RAB11FIP4: variants seen among roughly 807,000 people sequenced by gnomAD.
RAB11FIP4 encodes the protein RAB11 family interacting protein 4, also known as rab11 family-interacting protein 4.
A neutral mutation model predicts 74.3 loss-of-function variants in RAB11FIP4; 23 were observed. The ratio of observed to expected loss-of-function variants is 0.31; its 90% CI spans 0.22 to 0.44. The LOEUF is 0.44. RAB11FIP4 is among the 20% of genes least tolerant of loss of function. The pLI is 1.00. For missense variants in RAB11FIP4, 630 were observed against 863.9 expected (o/e 0.73, Z 3.39); for synonymous variants, 360 against 359.9 (o/e 1.00, Z 0.00).
chr17:31,449,928 T>C (rs12945387), intron 3 of RAB11FIP4, among the ~76,000 whole-genome samples: 16,872 of 152,232 alleles, frequency 0.11, 1,009 homozygotes, highest in African/African-American at 0.14. Context: ...CATTTTTACA[T>C]AGTGATGGTG....
chr17:31,475,714 C>A (rs1390447559), intron 3 of RAB11FIP4, among the ~76,000 whole-genome samples: 1 of 152,006 alleles, frequency 6.6e-6, no homozygotes, highest in Non-Finnish European at 1.5e-5. Flanking sequence ...AGGCGACAAG[C>A]GGCCTTCTTG....
intron 3 of RAB11FIP4, among the ~76,000 whole-genome samples, chr17:31,497,153 CA>C (rs2072131879): frequency 6.6e-6 from 1 of 152,156 alleles, no homozygotes; most frequent in Non-Finnish European, 1.5e-5. Context: ...CACCTGAGGT[CA>C]AGAGTTCGAG....
At chr17:31,526,337 G>A (rs920272516) in intron 10 of RAB11FIP4, 1 of 152,220 alleles carries the variant, frequency 6.6e-6, no homozygotes. Flanking sequence ...GTCTCCTAAC[G>A]TGTGCCCGTC....
intron 1 of RAB11FIP4, among the ~76,000 whole-genome samples, chr17:31,413,508 C>A (rs2071118891): frequency 6.7e-6 from 1 of 148,380 alleles, no homozygotes; most frequent in Non-Finnish European, 1.5e-5. Flanking sequence ...CCACTGAGAA[C>A]AGCTGGTGGT....
intron 3 of RAB11FIP4, among the ~76,000 whole-genome samples, chr17:31,447,075 G>C (rs1027155541): frequency 1.3e-5 from 2 of 152,144 alleles, no homozygotes; most frequent in Admixed American, 6.5e-5. Context: ...ACGAGGTCAG[G>C]AGATCGAGAC....
chr17:31,449,004 G>A (rs1163739386), intron 3 of RAB11FIP4, among the ~76,000 whole-genome samples: 1 of 152,082 alleles, frequency 6.6e-6, no homozygotes, highest in African/African-American at 2.4e-5. Flanking sequence ...GGTTCCTGAG[G>A]AGACAGGTCC....
chr17:31,423,319 A>G (rs2071217391), intron 1 of RAB11FIP4, among the ~76,000 whole-genome samples: 1 of 152,164 alleles, frequency 6.6e-6, no homozygotes, highest in South Asian at 2.1e-4. Context: ...ACTGTAAGAC[A>G]CTGGGGCCTG....
rs2072816950 is a variant in RAB11FIP4, at chr17:31,528,783, G to A, written c.1653+5G>A. On this transcript the variant is annotated splice_donor_5th_base_variant and intron_variant, in intron 13 of 14. Coordinates refer to ENST00000621161, the MANE Select transcript of RAB11FIP4 (RefSeq NM_032932.6). ...GAGGTCAAGCGGCTCAAGCAGGTGGGTCTAGCAGTCTCTGTGTCCAGTGGG... is the reference window on the plus strand; with the variant it reads ...GAGGTCAAGCGGCTCAAGCAGGTGGATCTAGCAGTCTCTGTGTCCAGTGGG... 1 of 1,603,332 alleles carries A rather than the reference G, an allele frequency of 6.2e-7. No homozygotes were observed. Among genetic ancestry groups the A allele is most frequent in the African/African-American group, 1.3e-5 (1 of 74,768 alleles).
chr17:31,461,028 C>T (rs529505062), intron 3 of RAB11FIP4, among the ~76,000 whole-genome samples: 1 of 152,064 alleles, frequency 6.6e-6, no homozygotes, highest in South Asian at 2.1e-4. Flanking sequence ...CAACTCTCAC[C>T]ATCCACAGAC....
chr17:31,488,335 G>A, intron 3 of RAB11FIP4: 1 of 1,040,030 alleles, frequency 9.6e-7, no homozygotes, highest in Non-Finnish European at 1.2e-6. Context: ...GGCTCGGCCC[G>A]GCCCGCGGCC....
intron 1 of RAB11FIP4, among the ~76,000 whole-genome samples, chr17:31,403,457 G>C (rs1199477950): frequency 6.6e-6 from 1 of 151,828 alleles, no homozygotes; most frequent in African/African-American, 2.4e-5. Flanking sequence ...CAAGTAGCTG[G>C]GACTACAGGA....
At chr17:31,470,230 C>A (rs746416484) in intron 3 of RAB11FIP4, among the ~76,000 whole-genome samples, 40 of 152,190 alleles carry the variant, frequency 2.6e-4, no homozygotes, top group Non-Finnish European at 5.4e-4. Context: ...CAGTCAGTCT[C>A]CCAGACACAG....
chr17:31,457,514 G>A (rs1292013756), intron 3 of RAB11FIP4, among the ~76,000 whole-genome samples: 2 of 152,174 alleles, frequency 1.3e-5, no homozygotes, highest in Admixed American at 1.3e-4. Flanking sequence ...GTCCCCCCTG[G>A]AACTGGCTTC....
intron 3 of RAB11FIP4, among the ~76,000 whole-genome samples, chr17:31,476,921 C>T (rs1169819723): frequency 6.6e-6 from 1 of 152,242 alleles, no homozygotes; most frequent in African/African-American, 2.4e-5. Context: ...AGCACGGAGG[C>T]CAGCCAGTCT....
At chr17:31,435,653 T>C (rs974616253) in intron 3 of RAB11FIP4, among the ~76,000 whole-genome samples, 1 of 152,212 alleles carries the variant, frequency 6.6e-6, no homozygotes, top group Non-Finnish European at 1.5e-5. Context: ...GAGGCCACTT[T>C]GGCTGATGGT....
rs2072896899 is a variant in RAB11FIP4, at chr17:31,532,959, A to G, written c.*1227A>G. ...CTAGGCAGCTGGGAATAGACATGGT[A>G]CTTACCTTAGAGTTTTCCAATTTAT... On this transcript the variant is annotated 3_prime_UTR_variant, in exon 15 of 15. Coordinates refer to ENST00000621161, the MANE Select transcript of RAB11FIP4 (RefSeq NM_032932.6). The G allele has an allele frequency of 6.6e-6, 1 of 152,198 alleles. No homozygotes were observed. The highest frequency in any genetic ancestry group is 1.5e-5 in the Non-Finnish European group (1 of 68,032). 9.4% of individuals were successfully genotyped at this position (152,198 alleles called of 1,614,324 possible). A position where few individuals can be genotyped will look rare whatever the true frequency, so the allele number is the denominator to read the frequency against.
At chr17:31,510,852 A>G (rs2072439584) in intron 3 of RAB11FIP4, among the ~76,000 whole-genome samples, 1 of 152,098 alleles carries the variant, frequency 6.6e-6, no homozygotes, top group Non-Finnish European at 1.5e-5. Flanking sequence ...CTTCAACACA[A>G]TGACGACAAT....
intron 2 of RAB11FIP4, among the ~76,000 whole-genome samples, chr17:31,433,655 C>A (rs1417729701): frequency 6.6e-6 from 1 of 152,166 alleles, no homozygotes; most frequent in Non-Finnish European, 1.5e-5. Context: ...GGGCGCCCAG[C>A]CTCGGAGGAA....
In RAB11FIP4 at chr17:31,391,847, GC is replaced by G; in HGVS notation, c.-3del. ...GGGGTCCGGGCTGAGCTGCGGGCCGGCCCGGATGGCGGGCGGCGCGGGCTGG... is the reference window on the plus strand; with the variant it reads ...GGGGTCCGGGCTGAGCTGCGGGCCGGCCGGATGGCGGGCGGCGCGGGCTGG... On this transcript the variant is annotated 5_prime_UTR_variant, in exon 1 of 15. Coordinates refer to ENST00000621161, the MANE Select transcript of RAB11FIP4 (RefSeq NM_032932.6). 4 of 1,089,796 alleles carry G rather than the reference GC, an allele frequency of 3.7e-6. No individual in the cohort carries two copies. The highest frequency in any genetic ancestry group is 4.4e-6 in the Non-Finnish European group (4 of 900,342). The allele number at this position is 1,089,796 out of a possible 1,614,324, so 67.5% of individuals were successfully genotyped here.
Sources: allele counts gnomAD v4.1 joint callset (sites outside exome capture counted in the v4.1 genomes callset), GRCh38; gene constraint gnomAD v4.1.1; transcripts MANE v1.5; gene names NCBI Gene and HGNC (gene_info 2026-07-23, HGNC 2026-07-21).